The following DNER variants were observed in gnomAD, a reference collection of about 807,000 sequenced individuals.
DNER encodes delta and Notch-like epidermal growth factor-related receptor.
A neutral mutation model predicts 78.2 loss-of-function variants in DNER; 33 were observed. The ratio of observed to expected loss-of-function variants is 0.42; its 90% CI spans 0.32 to 0.56. The LOEUF (loss-of-function observed/expected upper bound fraction) is 0.56, where lower values mean the gene tolerates loss of function less well. DNER is among the 20% of genes least tolerant of loss of function. DNER has a pLI of 0.11. For synonymous variants in DNER, 417 were observed against 384.8 expected (o/e 1.08, Z -0.98); for missense variants, 918 against 975.3 (o/e 0.94, Z 0.78).
intron 5 of DNER, among the ~76,000 whole-genome samples, chr2:229,536,195 G>A (rs1026800324): frequency 4.6e-5 from 7 of 152,196 alleles, no homozygotes; most frequent in East Asian, 1.9e-4. Flanking sequence ...GTTAGAGGCT[G>A]AGGAAGGCTG....
At chr2:229,713,419 G>C (rs538697180) in intron 1 of DNER, among the ~76,000 whole-genome samples, 39 of 152,332 alleles carry the variant, frequency 2.6e-4, no homozygotes, top group African/African-American at 9.4e-4. Context: ...GCTTCCCGGT[G>C]CCCTGCTCAC....
intron 8 of DNER, among the ~76,000 whole-genome samples, chr2:229,428,715 T>A (rs547767326): frequency 9.2e-5 from 14 of 151,502 alleles, no homozygotes; most frequent in Admixed American, 6.6e-4. Flanking sequence ...TTTGCTGAAA[T>A]CTGACTATAT....
intron 6 of DNER, among the ~76,000 whole-genome samples, chr2:229,480,566 T>C (rs1007713660): frequency 6.6e-6 from 1 of 152,208 alleles, no homozygotes; most frequent in Non-Finnish European, 1.5e-5. Context: ...TTCAATGCTG[T>C]TAAGTGCCCC....
intron 1 of DNER, among the ~76,000 whole-genome samples, chr2:229,610,790 T>C (rs992212342): frequency 2.0e-5 from 3 of 152,216 alleles, no homozygotes; most frequent in African/African-American, 7.2e-5. Flanking sequence ...AGCTTCCAAG[T>C]CTGTCAAATG....
At chr2:229,547,114 G>A in intron 4 of DNER, 22 bp from the exon 5 acceptor site, 1 of 1,613,176 alleles carries the variant, frequency 6.2e-7, no homozygotes, top group Non-Finnish European at 8.5e-7. Flanking sequence ...TGAGGCAAAA[G>A]GAAATTGTCA....
chr2:229,634,626 T>G (rs1203478369), intron 1 of DNER, among the ~76,000 whole-genome samples: 1 of 152,028 alleles, frequency 6.6e-6, no homozygotes, highest in Non-Finnish European at 1.5e-5. Context: ...GAGAAACCAC[T>G]TTTTCTTAAA....
chr2:229,562,706 A>C (rs1696982390), intron 4 of DNER, among the ~76,000 whole-genome samples: 1 of 152,126 alleles, frequency 6.6e-6, no homozygotes, highest in Non-Finnish European at 1.5e-5. Context: ...ACTTTGAGAG[A>C]GTTAGTTATA....
At chr2:229,428,368 C>T (rs369415111) in intron 8 of DNER, among the ~76,000 whole-genome samples, 9 of 151,966 alleles carry the variant, frequency 5.9e-5, no homozygotes, top group African/African-American at 1.9e-4. Context: ...AATAGAAATA[C>T]CTGGTAATGA....
At chr2:229,685,179 TA>T (rs1409600286) in intron 1 of DNER, among the ~76,000 whole-genome samples, 1 of 152,222 alleles carries the variant, frequency 6.6e-6, no homozygotes, top group African/African-American at 2.4e-5. Flanking sequence ...GAATAAAGGA[TA>T]AAGGGTCCAT....
chr2:229,390,561 G>A (rs995759716), intron 10 of DNER, among the ~76,000 whole-genome samples: 6 of 152,300 alleles, frequency 3.9e-5, no homozygotes, highest in Non-Finnish European at 7.4e-5. Context: ...TAGATTGGAC[G>A]GATTTGGTAA....
intron 1 of DNER, among the ~76,000 whole-genome samples, chr2:229,659,123 T>C (rs868829925): frequency 6.6e-5 from 10 of 152,316 alleles, no homozygotes; most frequent in Admixed American, 2.0e-4. Context: ...CCCGGCAGTT[T>C]CATATCTAAA....
chr2:229,564,715 A>G (rs1354786482), intron 4 of DNER, among the ~76,000 whole-genome samples: 2 of 149,498 alleles, frequency 1.3e-5, no homozygotes, highest in African/African-American at 4.9e-5. Flanking sequence ...CATCAACATC[A>G]TCACCCCATC....
At chr2:229,560,947 G>T (rs2154213605) in intron 4 of DNER, among the ~76,000 whole-genome samples, 1 of 152,238 alleles carries the variant, frequency 6.6e-6, no homozygotes, top group African/African-American at 2.4e-5. Context: ...CTCCATCACT[G>T]AAGAATGTCA....
At chr2:229,611,341 A>T (rs1415070832) in intron 1 of DNER, among the ~76,000 whole-genome samples, 1 of 152,246 alleles carries the variant, frequency 6.6e-6, no homozygotes, top group Non-Finnish European at 1.5e-5. Flanking sequence ...CTGAGATGCT[A>T]AGGCCACCAG....
At chr2:229,530,995 C>T (rs565754257) in intron 5 of DNER, among the ~76,000 whole-genome samples, 22 of 152,298 alleles carry the variant, frequency 1.4e-4, no homozygotes, top group African/African-American at 1.9e-4. Context: ...GTGACCTGCC[C>T]TTTTCCCACA....
intron 1 of DNER, among the ~76,000 whole-genome samples, chr2:229,629,663 CAAAA>C (rs1698401755): frequency 6.6e-6 from 1 of 152,144 alleles, no homozygotes; most frequent in Non-Finnish European, 1.5e-5. Flanking sequence ...AAATGGCAAA[CAAAA>C]GAAATCACAA....
intron 1 of DNER, among the ~76,000 whole-genome samples, chr2:229,614,606 T>C (rs989417227): frequency 6.6e-6 from 1 of 152,152 alleles, no homozygotes; most frequent in Non-Finnish European, 1.5e-5. Flanking sequence ...CCAAAGACTT[T>C]CTTGCAGTTC....
Position 229,585,880 on chromosome 2 carries a change from G to A in DNER, c.825C>T (p.Ala275=), listed in dbSNP as rs758378853. 1 of 1,613,866 alleles carries A rather than the reference G, an allele frequency of 6.2e-7. No individual in the cohort carries two copies. ...CACCAATAAAGTGATTATTCCCCAA[G>A]GCGAGCATCTCCTCCAGGAGGACCA... ...GGLVLLEEML[A]LGNNHFIGFV... The change falls in exon 4 of 13, where the codon GCC becomes GCT. Residue 275 remains alanine (A), a synonymous_variant. Coordinates refer to ENST00000341772, the MANE Select transcript of DNER (RefSeq NM_139072.4).
At chr2:229,535,543 A>T (rs1376084951) in intron 5 of DNER, among the ~76,000 whole-genome samples, 1 of 152,192 alleles carries the variant, frequency 6.6e-6, no homozygotes, top group East Asian at 1.9e-4. Flanking sequence ...AAAAAGTGCT[A>T]CTATACTATC....
Sources: gnomAD v4.1 joint callset for allele counts (sites outside exome capture counted in the v4.1 genomes callset) on GRCh38, gnomAD v4.1.1 for gene constraint, MANE v1.5 for transcripts, NCBI Gene and HGNC (gene_info 2026-07-23, HGNC 2026-07-21) for gene names.